PRAME: variants seen among roughly 807,000 people sequenced by gnomAD.
The protein encoded by PRAME is PRAME nuclear receptor transcriptional regulator, also known as melanoma antigen preferentially expressed in tumors.
A neutral mutation model predicts 32.1 loss-of-function variants in PRAME; 21 were observed. The ratio of observed to expected loss-of-function variants is 0.65; its 90% CI spans 0.46 to 0.94. PRAME has a LOEUF of 0.94. Among genes scored for constraint, PRAME ranks in the 40% least tolerant of loss-of-function variants. The probability of loss-of-function intolerance (pLI) is 0.00; values close to 1 mark genes in which losing one functional copy is unlikely to be tolerated. For synonymous variants in PRAME, 274 were observed against 251.5 expected, an observed-to-expected ratio of 1.09 and a Z score of -0.85; for missense variants, 651 against 622.3, an observed-to-expected ratio of 1.05 and a Z score of -0.49.
At chr22:22,548,666 G>T in intron 5 of PRAME, 23 bp from the exon 6 acceptor site, 2 of 1,537,924 alleles carry the variant, frequency 1.3e-6, no homozygotes, top group Non-Finnish European at 1.8e-6. Flanking sequence ...AAAGCAGTTA[G>T]TGCTGGGGAA....
chr22:22,552,960 G>C, intron 3 of PRAME: 1 of 470,558 alleles, frequency 2.1e-6, no homozygotes, highest in Non-Finnish European at 4.4e-6. Flanking sequence ...CGCTGCCAAC[G>C]GAAGAGCCAA....
Position 22,547,886 on chromosome 22 carries a change from A to G in PRAME, c.*181T>C. 2.9e-6 allele frequency: 2 copies of G among 687,192 alleles called. No individual in the cohort carries two copies. The highest frequency in any genetic ancestry group is 2.4e-6 in the Non-Finnish European group (1 of 409,640). The allele number at this position is 687,192 out of a possible 1,614,324, so 42.6% of individuals were successfully genotyped here. On this transcript the variant is annotated 3_prime_UTR_variant, in exon 6 of 6. Transcript: ENST00000405655. Reference sequence around the variant, plus strand: ...TCAAGTCAACATCTGCCTACCCCCAACTTCCCCTTTTTTTCCTCACTGAAC... The same window carrying G: ...TCAAGTCAACATCTGCCTACCCCCAGCTTCCCCTTTTTTTCCTCACTGAAC...
rs770614739 is a variant in PRAME, at chr22:22,550,861, C to G, written c.250G>C (p.Gly84Arg). ...AGATGTTGTCCCTTCATCAGCACTCCCAGAGGGAGGCAGGTGAAGGGCCAG... is the reference window on the plus strand; with the variant it reads ...AGATGTTGTCCCTTCATCAGCACTCGCAGAGGGAGGCAGGTGAAGGGCCAG... ...QAWPFTCLPLGVLMKGQHLHL... is the reference protein window; with the variant it reads ...QAWPFTCLPLRVLMKGQHLHL... The change falls in exon 4 of 6, where the codon GGA (glycine) becomes CGA (arginine). Residue 84 changes from glycine to arginine, a missense_variant. Transcript: ENST00000405655. The G allele has an allele frequency of 6.8e-6, 11 of 1,613,638 alleles. No individual in the cohort carries two copies. In the African/African-American group the frequency reaches 1.5e-4, roughly 22 times the overall value.
intron 4 of PRAME, 31 bp from the exon 5 acceptor site, chr22:22,550,365 T>C (rs772878564): frequency 6.2e-7 from 1 of 1,600,096 alleles, no homozygotes; most frequent in African/African-American, 1.3e-5. Flanking sequence ...TTAGCTGAGA[T>C]GATGCTTTAA....
intron 3 of PRAME, chr22:22,555,938 G>C (rs1265044089): frequency 6.4e-6 from 3 of 469,336 alleles, no homozygotes; most frequent in Non-Finnish European, 1.3e-5. Flanking sequence ...ATTACCCCGG[G>C]GAAAGGTTCT....
At chr22:22,553,933 A>G (rs535839083) in intron 3 of PRAME, 1 of 985,134 alleles carries the variant, frequency 1.0e-6, no homozygotes, top group East Asian at 1.1e-4. Context: ...CCCCTTCCTA[A>G]GTATTACTAA....
Position 22,555,163 on chromosome 22 carries a change from C to A in PRAME, c.21+1649G>T, listed in dbSNP as rs559970706. On this transcript the variant is annotated intron_variant, in intron 3 of 5. Coordinates refer to ENST00000405655, the MANE Select transcript of PRAME (RefSeq NM_206956.3). ...TACTGGTTCTTATGGTCCTTGTGGGCTGCACAGGCCAGAGTGGCCTCTGAG... is the reference window on the plus strand; with the variant it reads ...TACTGGTTCTTATGGTCCTTGTGGGATGCACAGGCCAGAGTGGCCTCTGAG... 9.2e-5 allele frequency among the ~76,000 whole-genome samples: 14 copies of A among 152,096 alleles called. No homozygotes were observed. In the South Asian group the frequency reaches 2.5e-3, roughly 27 times the overall value.
chr22:22,558,733 G>A (rs950992078), intron 1 of PRAME, among the ~76,000 whole-genome samples: 3 of 151,284 alleles, frequency 2.0e-5, no homozygotes, highest in African/African-American at 7.3e-5. Flanking sequence ...TGGGATCACG[G>A]AGACGTCCAA....
chr22:22,552,935 C>G (rs1160200661), intron 3 of PRAME: 1 of 470,814 alleles, frequency 2.1e-6, no homozygotes, highest in Admixed American at 2.4e-5. Flanking sequence ...GGGCATACCT[C>G]CCCTTTCAAC....
chr22:22,550,288 C>T lies in PRAME; in HGVS notation c.391G>A (p.Asp131Asn). ...TTTCCAGACCATACAGTCCAGAAGT[C>T]CTGATGAGAGTTCTTCCGTAAATCC... ...VLDLRKNSHQ[D>N]FWTVWSGNRA... The change falls in exon 5 of 6, where the codon GAC (aspartate) becomes AAC (asparagine). Residue 131 changes from aspartate (D) to asparagine (N), a missense_variant. Coordinates refer to ENST00000405655, the MANE Select transcript of PRAME (RefSeq NM_206956.3). 6.2e-7 allele frequency: 1 copy of T among 1,613,338 alleles called. No homozygotes were observed. Among genetic ancestry groups the T allele is most frequent in the Non-Finnish European group, 8.5e-7 (1 of 1,179,854 alleles).
intron 3 of PRAME, among the ~76,000 whole-genome samples, chr22:22,552,170 C>G (rs1601811356): frequency 6.9e-6 from 1 of 144,558 alleles, no homozygotes; most frequent in African/African-American, 2.5e-5. Flanking sequence ...AATTCCAAAG[C>G]ATCTGAAAAG....
Position 22,557,237 on chromosome 22 carries a change from A to AG in PRAME, c.-78+307_-78+308insC, listed in dbSNP as rs1279278745. 7 of 205,058 alleles carry AG rather than the reference A, an allele frequency of 3.4e-5. No homozygotes were observed. The East Asian group carries it at 7.3e-4, about 21-fold the overall frequency. 12.7% of individuals were successfully genotyped at this position (205,058 alleles called of 1,614,324 possible). A position where few individuals can be genotyped will look rare whatever the true frequency, so the allele number is the denominator to read the frequency against. The stretch of plus-strand genomic sequence containing the variant: ...TACGCCACTGCCTGGGCCGTCCCCA[A>AG]CCCCCAGCACCTTCAGAGGGGCCGA... On this transcript the variant is annotated intron_variant, in intron 2 of 5. Coordinates refer to ENST00000405655, the MANE Select transcript of PRAME (RefSeq NM_206956.3).
At chr22:22,555,931 A>AC (rs1015047689) in intron 3 of PRAME, 4 of 468,674 alleles carry the variant, frequency 8.5e-6, no homozygotes, top group Middle Eastern at 3.3e-4. Flanking sequence ...GCGTCTGATT[A>AC]CCCCGGGGAA....
intron 3 of PRAME, among the ~76,000 whole-genome samples, chr22:22,552,231 A>C (rs143437394): frequency 1.3e-5 from 2 of 151,598 alleles, no homozygotes; most frequent in East Asian, 3.9e-4. Flanking sequence ...TTAAAATGGA[A>C]TATTTTTTAA....
intron 3 of PRAME, among the ~76,000 whole-genome samples, chr22:22,556,313 G>A (rs750913314): frequency 7.9e-5 from 12 of 151,516 alleles, no homozygotes; most frequent in African/African-American, 1.5e-4. Flanking sequence ...CTGGCCTAGG[G>A]TTAATTTTTA....
chr22:22,556,074 A>C, intron 3 of PRAME: 2 of 317,634 alleles, frequency 6.3e-6, no homozygotes, highest in East Asian at 8.0e-5. Context: ...GCTCACTGCA[A>C]CCTCCACCTC....
At position 22,550,150 on chromosome 22, in the gene PRAME, C is replaced by A. The variant is rs756062254; in HGVS notation, c.529G>T (p.Val177Leu). The change falls in exon 5 of 6, where the codon GTG (valine) becomes TTG (leucine). Residue 177 changes from valine to leucine, a missense_variant. By Grantham distance (32) the Val-to-Leu change is conservative. Coordinates refer to ENST00000405655, the MANE Select transcript of PRAME (RefSeq NM_206956.3). The part of the protein sequence containing the change: ...EAEQPFIPVE[V>L]LVDLFLKEGA... ...TCCTTGAGGAACAGGTCTACGAGCA[C>A]CTCTACTGGAATGAAGGGCTGCTCT... The A allele has an allele frequency of 5.0e-6, 8 of 1,613,842 alleles. No homozygotes were observed. The South Asian group carries it at 7.7e-5, about 16-fold the overall frequency.
In PRAME at chr22:22,554,293, T is replaced by C. The variant is rs368139768; in HGVS notation, c.21+2519A>G. 4.4e-5 allele frequency: 43 copies of C among 973,476 alleles called. No homozygotes were observed. The African/African-American group carries it at 7.0e-4, about 16-fold the overall frequency. 60.3% of individuals were successfully genotyped at this position (973,476 alleles called of 1,614,324 possible). On this transcript the variant is annotated intron_variant, in intron 3 of 5. Transcript: ENST00000405655. ...TACTGGCAAGTGTCCAGCTGGAATGTCTTGCGGCCTGACTTTGTTTACTGT... is the reference window on the plus strand; with the variant it reads ...TACTGGCAAGTGTCCAGCTGGAATGCCTTGCGGCCTGACTTTGTTTACTGT...
At chr22:22,554,163 G>T (rs1036385017) in intron 3 of PRAME, 14 of 985,018 alleles carry the variant, frequency 1.4e-5, no homozygotes, top group Non-Finnish European at 1.7e-5. Context: ...TCCTGGGCCT[G>T]ATCACCCACT....
Sources: gnomAD v4.1 joint callset for allele counts (sites outside exome capture counted in the v4.1 genomes callset) on GRCh38, gnomAD v4.1.1 for gene constraint, MANE v1.5 for transcripts, NCBI Gene and HGNC (gene_info 2026-07-23, HGNC 2026-07-21) for gene names.